IGSF21: variants seen among roughly 807,000 people sequenced by gnomAD.
The protein encoded by IGSF21 is immunoglobulin superfamily member 21.
Under a neutral mutation model 46.8 loss-of-function variants are expected in IGSF21, and 28 were observed. That is an observed-to-expected ratio of 0.60 (90% CI 0.44 to 0.82). The LOEUF is 0.82. IGSF21 is among the 40% of genes least tolerant of loss of function. The probability of loss-of-function intolerance (pLI) is 0.00; values close to 1 mark genes in which losing one functional copy is unlikely to be tolerated. For missense variants in IGSF21, 624 were observed against 665.5 expected (o/e 0.94, Z 0.69); for synonymous variants, 284 against 273.6 (o/e 1.04, Z -0.38).
At chr1:18,336,815 A>G (rs1267385643) in intron 4 of IGSF21, among the ~76,000 whole-genome samples, 2 of 152,222 alleles carry the variant, frequency 1.3e-5, no homozygotes, top group Non-Finnish European at 2.9e-5. Context: ...AAGAGGTTTA[A>G]TGGAATCACA....
At chr1:18,219,077 A>G (rs999793335) in intron 1 of IGSF21, among the ~76,000 whole-genome samples, 1 of 152,258 alleles carries the variant, frequency 6.6e-6, no homozygotes, top group Admixed American at 6.5e-5. Flanking sequence ...ACACAGTCTC[A>G]TGGGGTGTAC....
At chr1:18,265,507 C>A (rs2084981679) in intron 2 of IGSF21, among the ~76,000 whole-genome samples, 1 of 152,208 alleles carries the variant, frequency 6.6e-6, no homozygotes, top group South Asian at 2.1e-4. Flanking sequence ...TGCCCCTGTA[C>A]ATAAATCCAG....
At position 18,291,994 on chromosome 1, in the gene IGSF21, G is replaced by A. The variant is rs574283554; in HGVS notation, c.305+7G>A. ...TGTACCAGTCCACTGTGAGGTGAGT[G>A]CCTGGGGGTGGCGGGCCGACAGCGG... is the stretch of plus-strand genomic sequence containing the variant. On this transcript the variant is annotated splice_region_variant and intron_variant, in intron 3 of 9. Coordinates refer to ENST00000251296, the MANE Select transcript of IGSF21 (RefSeq NM_032880.5). The A allele has an allele frequency of 6.2e-6, 10 of 1,612,620 alleles. No homozygotes were observed. In the African/African-American group the frequency reaches 1.2e-4, roughly 19 times the overall value.
intron 2 of IGSF21, among the ~76,000 whole-genome samples, chr1:18,291,511 A>C (rs574150366): frequency 6.6e-6 from 1 of 152,206 alleles, no homozygotes; most frequent in African/African-American, 2.4e-5. Context: ...ACCCTCCATG[A>C]TCTGGCCCAC....
chr1:18,130,216 G>T (rs546078322), intron 1 of IGSF21, among the ~76,000 whole-genome samples: 2 of 152,288 alleles, frequency 1.3e-5, no homozygotes, highest in South Asian at 2.1e-4. Context: ...ACCCTGTGAG[G>T]TCTGGCCTTT....
chr1:18,251,038 T>G (rs1232470961), intron 2 of IGSF21, among the ~76,000 whole-genome samples: 1 of 151,952 alleles, frequency 6.6e-6, no homozygotes, highest in African/African-American at 2.4e-5. Context: ...AGCAAAGACC[T>G]GAGGGAAGAG....
chr1:18,350,851 C>G (rs749060894), intron 4 of IGSF21, among the ~76,000 whole-genome samples: 1 of 152,160 alleles, frequency 6.6e-6, no homozygotes, highest in African/African-American at 2.4e-5. Context: ...GGAAATCTCC[C>G]GCTTGAAGGA....
chr1:18,321,180 A>G (rs990613683), intron 3 of IGSF21, among the ~76,000 whole-genome samples: 13 of 152,172 alleles, frequency 8.5e-5, no homozygotes, highest in African/African-American at 2.4e-4. Context: ...CAGGGAAAAC[A>G]TGGTCCCTGC....
intron 1 of IGSF21, among the ~76,000 whole-genome samples, chr1:18,148,275 C>T (rs189671190): frequency 4.6e-5 from 7 of 151,754 alleles, no homozygotes; most frequent in East Asian, 1.9e-4. Flanking sequence ...GGACTACAGG[C>T]GCCCACCACC....
At chr1:18,367,603 CTTT>C (rs35019096) in intron 6 of IGSF21, among the ~76,000 whole-genome samples, 1,080 of 73,906 alleles carry the variant, frequency 0.015, 6 homozygotes, top group African/African-American at 0.049. Flanking sequence ...CTCTCTCTCT[CTTT>C]TTTTTTTTTT....
chr1:18,118,054 C>T (rs1193677563), intron 1 of IGSF21, among the ~76,000 whole-genome samples: 1 of 152,172 alleles, frequency 6.6e-6, no homozygotes, highest in African/African-American at 2.4e-5. Flanking sequence ...GGCAGCACTT[C>T]AGTAGGGAGC....
At position 18,365,591 on chromosome 1, in the gene IGSF21, C is replaced by G; in HGVS notation, c.909C>G (p.Ala303=). 6.2e-7 allele frequency: 1 copy of G among 1,614,190 alleles called. No individual in the cohort carries two copies. Among genetic ancestry groups the G allele is most frequent in the African/African-American group, 1.3e-5 (1 of 75,060 alleles). The change falls in exon 6 of 10, where the codon GCC becomes GCG. Residue 303 remains alanine (A), a synonymous_variant. Coordinates refer to ENST00000251296, the MANE Select transcript of IGSF21 (RefSeq NM_032880.5). The surrounding 1 kb of genome is among the most constrained non-coding windows in gnomAD (Gnocchi z 4.8). The part of the protein sequence containing the change: ...PSSDGTVEVR[A]LLTWTLNPQI... Reference sequence around the variant, plus strand: ...GTGACGGCACTGTGGAAGTACGTGCCCTGCTCACCTGGACCCTCAACCCAC... The same window carrying G: ...GTGACGGCACTGTGGAAGTACGTGCGCTGCTCACCTGGACCCTCAACCCAC...
At chr1:18,269,656 C>T (rs565384932) in intron 2 of IGSF21, among the ~76,000 whole-genome samples, 13 of 152,236 alleles carry the variant, frequency 8.5e-5, no homozygotes, top group Middle Eastern at 3.4e-3. Flanking sequence ...ACATGTGCAC[C>T]GGACCAGCAG....
chr1:18,139,639 G>A (rs2086396955), intron 1 of IGSF21, among the ~76,000 whole-genome samples: 1 of 152,234 alleles, frequency 6.6e-6, no homozygotes, highest in African/African-American at 2.4e-5. Context: ...TTGAAGGCCA[G>A]CCCCACAACG....
chr1:18,239,757 C>T (rs1015535175), intron 2 of IGSF21, among the ~76,000 whole-genome samples: 1 of 152,100 alleles, frequency 6.6e-6, no homozygotes, highest in South Asian at 2.1e-4. Context: ...GTGTTGCCCC[C>T]CCTCCCCGCC....
chr1:18,215,364 G>T (rs12066032), intron 1 of IGSF21, among the ~76,000 whole-genome samples: 8,333 of 152,246 alleles, frequency 0.055, 721 homozygotes, highest in African/African-American at 0.19. Context: ...CCCGTTAGAG[G>T]CTCCCAGTCT....
intron 1 of IGSF21, among the ~76,000 whole-genome samples, chr1:18,200,019 C>CA (rs1301013107): frequency 5.3e-5 from 8 of 152,146 alleles, no homozygotes; most frequent in African/African-American, 1.9e-4. Flanking sequence ...CAAGCCCCTG[C>CA]TCCTTCCCCA....
At chr1:18,115,901 G>GAAAGAAAGAAAGAAAGAAAGA (rs1553146741) in intron 1 of IGSF21, 1 of 89,418 alleles carries the variant, frequency 1.1e-5, no homozygotes, top group Non-Finnish European at 2.3e-5. Flanking sequence ...AAGAAAGAAA[G>GAAAGAAAGAAAGAAAGAAAGA]AAGGAGAGGG....
chr1:18,326,560 TTC>T (rs2085660155), intron 3 of IGSF21, among the ~76,000 whole-genome samples: 1 of 152,208 alleles, frequency 6.6e-6, no homozygotes, highest in African/African-American at 2.4e-5. Context: ...TACCTGAATC[TTC>T]TCTGTTAGCC....
Sources: allele counts gnomAD v4.1 joint callset (sites outside exome capture counted in the v4.1 genomes callset), GRCh38; gene constraint gnomAD v4.1.1; non-coding constraint Gnocchi (gnomAD v3.1); transcripts MANE v1.5; gene names NCBI Gene and HGNC (gene_info 2026-07-23, HGNC 2026-07-21).